ATP4A: variants seen among roughly 807,000 people sequenced by gnomAD.
ATP4A encodes ATPase H+/K+ transporting subunit alpha.
In ATP4A, 73 loss-of-function variants were observed where a neutral mutation model predicts 112.1. That is an observed-to-expected ratio of 0.65 (90% CI 0.54 to 0.79). The LOEUF (loss-of-function observed/expected upper bound fraction) is 0.79. Among genes scored for constraint, ATP4A ranks in the 30% least tolerant of loss-of-function variants. ATP4A has a pLI of 0.00. For synonymous variants in ATP4A, 588 were observed against 588.9 expected (o/e 1.00, Z 0.02); for missense variants, 1,081 against 1,425.9 (o/e 0.76, Z 3.90).
In ATP4A at chr19:35,558,020, G is replaced by A; in HGVS notation, c.1501-173C>T. On this transcript the variant is annotated intron_variant, in intron 10 of 21. Coordinates refer to ENST00000262623, the MANE Select transcript of ATP4A (RefSeq NM_000704.3). This position sits in a 1 kb window ranked among gnomAD's most constrained non-coding sequence, Gnocchi z 5.1. ...GGAGGCCTTGTGTGGAGGGGTCCTT[G>A]GTAGAAGGTAAGCGTTAAGGCGGGG... 1.6e-6 allele frequency: 1 copy of A among 633,142 alleles called. No homozygotes were observed. Among genetic ancestry groups the A allele is most frequent in the Non-Finnish European group, 2.7e-6 (1 of 372,530 alleles). 39.2% of individuals were successfully genotyped at this position (633,142 alleles called of 1,614,324 possible).
Position 35,560,924 on chromosome 19 carries a change from C to T in ATP4A, c.429G>A (p.Leu143=). 1 of 1,613,838 alleles carries T rather than the reference C, an allele frequency of 6.2e-7. No individual in the cohort carries two copies. Among genetic ancestry groups the T allele is most frequent in the Non-Finnish European group, 8.5e-7 (1 of 1,179,882 alleles). Residue 143 remains leucine (L), a synonymous_variant, in exon 5 of 22, where the codon CTG becomes CTA. Coordinates refer to ENST00000262623, the MANE Select transcript of ATP4A (RefSeq NM_000704.3). The surrounding 1 kb of genome is among the most constrained non-coding windows in gnomAD (Gnocchi z 5.1). The part of the protein sequence containing the change: ...GDLTTDDNLY[L]AIALIAVVVV... ...CAACCACAGCAATGAGAGCGATTGC[C>T]AGGTACAGCTGGGGACAGGGAAGGG... is the stretch of plus-strand genomic sequence containing the variant.
In ATP4A at chr19:35,555,824, A is replaced by G. The variant is rs775065728; in HGVS notation, c.1870-12T>C. The stretch of plus-strand genomic sequence containing the variant: ...GTTACCATGATCACCTGTAGGGGGA[A>G]CCAGTGGATCACTGACCCCTTCAGA... On this transcript the variant is annotated splice_polypyrimidine_tract_variant and intron_variant, in intron 12 of 21. Transcript: ENST00000262623. This position sits in a 1 kb window ranked among gnomAD's most constrained non-coding sequence, Gnocchi z 6.6. The G allele has an allele frequency of 4.9e-5, 79 of 1,599,256 alleles. 1 individual carries two copies. The South Asian group carries it at 7.5e-4, about 15-fold the overall frequency.
At position 35,559,728 on chromosome 19, in the gene ATP4A, T is replaced by C. The variant is rs1172102722; in HGVS notation, c.1056+77A>G. ...GACAGATAGACAGGCAGGGAGGTGA[T>C]GGGGGAAATGTGGAGGAAAGAACAG... On this transcript the variant is annotated intron_variant, in intron 7 of 21. Coordinates refer to ENST00000262623, the MANE Select transcript of ATP4A (RefSeq NM_000704.3). This position sits in a 1 kb window ranked among gnomAD's most constrained non-coding sequence, Gnocchi z 4.1. 7.7e-6 allele frequency: 12 copies of C among 1,548,976 alleles called. No homozygotes were observed. Among genetic ancestry groups the C allele is most frequent in the Non-Finnish European group, 9.6e-6 (11 of 1,144,540 alleles).
chr19:35,553,953 G>C, intron 16 of ATP4A, 124 bp from the exon 17 acceptor site: 1 of 1,374,728 alleles, frequency 7.3e-7, no homozygotes, highest in African/African-American at 1.4e-5. Context: ...AGGACCTGCA[G>C]GGACGGCACA....
rs767336004 is a variant in ATP4A, at chr19:35,560,915, A to G, written c.438T>C (p.Ala146=). The change falls in exon 5 of 22, where the codon GCT becomes GCC. Residue 146 remains alanine, a synonymous_variant. Transcript: ENST00000262623. The surrounding 1 kb of genome is among the most constrained non-coding windows in gnomAD (Gnocchi z 5.1). ...TTDDNLYLAI[A]LIAVVVVTGC... ...CGGTGACGACAACCACAGCAATGAG[A>G]GCGATTGCCAGGTACAGCTGGGGAC... 1 of 1,613,484 alleles carries G rather than the reference A, an allele frequency of 6.2e-7. No homozygotes were observed. Among genetic ancestry groups the G allele is most frequent in the Non-Finnish European group, 8.5e-7 (1 of 1,179,846 alleles).
At position 35,558,848 on chromosome 19, in the gene ATP4A, C is replaced by G. The variant is rs2071649773; in HGVS notation, c.1255+145G>C. 10 of 1,283,038 alleles carry G rather than the reference C, an allele frequency of 7.8e-6. No individual in the cohort carries two copies. In the South Asian group the frequency reaches 1.4e-4, roughly 18 times the overall value. The allele number at this position is 1,283,038 out of a possible 1,614,324, so 79.5% of individuals were successfully genotyped here. Reference sequence around the variant, plus strand: ...CCCAGCCCCCGGATGACCCTTCCCTCTAGACCCGGTAGCGAGTCTCCTTTG... The same window carrying G: ...CCCAGCCCCCGGATGACCCTTCCCTGTAGACCCGGTAGCGAGTCTCCTTTG... On this transcript the variant is annotated intron_variant, in intron 8 of 21. Transcript: ENST00000262623. This position sits in a 1 kb window ranked among gnomAD's most constrained non-coding sequence, Gnocchi z 5.1.
Position 35,553,686 on chromosome 19 carries a change from C to G in ATP4A, c.2605+20G>C. On this transcript the variant is annotated intron_variant, in intron 17 of 21. Coordinates refer to ENST00000262623, the MANE Select transcript of ATP4A (RefSeq NM_000704.3). ...CGCAGAGCCCCCCACCTCCAGGCTC[C>G]CCGGCCCACGGGCACCCACCAATCT... 5 of 1,611,970 alleles carry G rather than the reference C, an allele frequency of 3.1e-6. No homozygotes were observed. The highest frequency in any genetic ancestry group is 4.2e-6 in the Non-Finnish European group (5 of 1,179,250).
rs760280019 is a variant in ATP4A at position 35,551,403 on chromosome 19, G to A, written c.2885+44C>T. The A allele has an allele frequency of 6.2e-7, 1 of 1,613,126 alleles. No homozygotes were observed. The highest frequency in any genetic ancestry group is 1.1e-5 in the South Asian group (1 of 91,014). The stretch of plus-strand genomic sequence containing the variant: ...CCACAGTCAGGATCTGATGGGAGTT[G>A]GGACCAGGGGTTGGAGGGCAGGAAG... On this transcript the variant is annotated intron_variant, in intron 19 of 21. Transcript: ENST00000262623. This position sits in a 1 kb window ranked among gnomAD's most constrained non-coding sequence, Gnocchi z 5.2.
chr19:35,558,394 C>G lies in ATP4A; in HGVS notation c.1468G>C (p.Glu490Gln). The change falls in exon 10 of 22, where the codon GAG becomes CAG. Residue 490 changes from glutamate (E) to glutamine (Q), a missense_variant. Glu to Gln is a conservative substitution (Grantham distance 29). Around this residue, in one of 3 missense-constraint regions of ATP4A, gnomAD observed 850 missense variants for 1,068.2 expected, o/e 0.80. Transcript: ENST00000262623. The surrounding 1 kb of genome is among the most constrained non-coding windows in gnomAD (Gnocchi z 5.1). Reference protein sequence around the residue: ...GYRDRFPKVCEIPFNSTNKFQ... With the variant: ...GYRDRFPKVCQIPFNSTNKFQ... ...TTGTTGGTGGAGTTGAAGGGTATCT[C>G]GCAGACTTTTGGGAAGCGGTCCCGG... is the stretch of plus-strand genomic sequence containing the variant. 6.2e-7 allele frequency: 1 copy of G among 1,611,808 alleles called. No homozygotes were observed. The highest frequency in any genetic ancestry group is 1.1e-5 in the South Asian group (1 of 90,586).
Position 35,558,559 on chromosome 19 carries a change from A to T in ATP4A, c.1365+18T>A. 6.3e-7 allele frequency: 1 copy of T among 1,595,274 alleles called. No homozygotes were observed. The highest frequency in any genetic ancestry group is 8.5e-7 in the Non-Finnish European group (1 of 1,171,742). On this transcript the variant is annotated intron_variant, in intron 9 of 21. Transcript: ENST00000262623. This position sits in a 1 kb window ranked among gnomAD's most constrained non-coding sequence, Gnocchi z 5.1. ...ACACCAGCCTCCCGGGATTCCCTGG[A>T]GGCCCCCTGGCTCTCACCTTGGGCA...
In ATP4A at chr19:35,550,791, C is replaced by A. The variant is rs201486149; in HGVS notation, c.3079+43G>T. ...TCAAAGGTGGGTGCAGCTGCTCAAACGTTTCAGTCCCCTGCCCCCAGGCTC... is the reference window on the plus strand; with the variant it reads ...TCAAAGGTGGGTGCAGCTGCTCAAAAGTTTCAGTCCCCTGCCCCCAGGCTC... On this transcript the variant is annotated intron_variant, in intron 21 of 21. Transcript: ENST00000262623. The surrounding 1 kb of genome is among the most constrained non-coding windows in gnomAD (Gnocchi z 4.1). The A allele has an allele frequency of 1.7e-5, 28 of 1,612,122 alleles. No homozygotes were observed. Among genetic ancestry groups the A allele is most frequent in the Non-Finnish European group, 2.4e-5 (28 of 1,178,366 alleles).
intron 4 of ATP4A, among the ~76,000 whole-genome samples, chr19:35,562,094 G>A (rs1040188895): frequency 4.6e-5 from 7 of 152,022 alleles, no homozygotes; most frequent in Non-Finnish European, 8.8e-5. Flanking sequence ...GACCTCAGGT[G>A]ATCTGCCCGC....
Position 35,558,445 on chromosome 19 carries a change from G to A in ATP4A, c.1417C>T (p.Leu473=), listed in dbSNP as rs1025402981. ...SETALLKFSE[L]TLGNAMGYRD... ...TAGCCCATGGCGTTGCCCAGCGTCAGCTCCGAGAACTTGAGCAGCGCCGTC... is the reference window on the plus strand; with the variant it reads ...TAGCCCATGGCGTTGCCCAGCGTCAACTCCGAGAACTTGAGCAGCGCCGTC... Residue 473 remains leucine, a synonymous_variant, in exon 10 of 22, where the codon CTG becomes TTG. Coordinates refer to ENST00000262623, the MANE Select transcript of ATP4A (RefSeq NM_000704.3). The surrounding 1 kb of genome is among the most constrained non-coding windows in gnomAD (Gnocchi z 5.1). The A allele has an allele frequency of 6.9e-6, 11 of 1,605,216 alleles. No homozygotes were observed. Among genetic ancestry groups the A allele is most frequent in the South Asian group, 1.1e-5 (1 of 89,514 alleles).
rs80198561 is a variant in ATP4A at position 35,555,665 on chromosome 19, G to A, written c.2006+11C>T. On this transcript the variant is annotated intron_variant, in intron 13 of 21. Coordinates refer to ENST00000262623, the MANE Select transcript of ATP4A (RefSeq NM_000704.3). The surrounding 1 kb of genome is among the most constrained non-coding windows in gnomAD (Gnocchi z 6.6). Reference sequence around the variant, plus strand: ...GTGGGGAGAACCCCGGGGAGGTCTGGGGGGGCTTACTTGCGATTAACCTGG... The same window carrying A: ...GTGGGGAGAACCCCGGGGAGGTCTGAGGGGGCTTACTTGCGATTAACCTGG... 5 of 1,596,146 alleles carry A rather than the reference G, an allele frequency of 3.1e-6. No individual in the cohort carries two copies. The highest frequency in any genetic ancestry group is 4.3e-6 in the Non-Finnish European group (5 of 1,165,568).
chr19:35,555,424 C>T lies in ATP4A; in HGVS notation c.2157+16G>A. On this transcript the variant is annotated intron_variant, in intron 14 of 21. Transcript: ENST00000262623. The surrounding 1 kb of genome is among the most constrained non-coding windows in gnomAD (Gnocchi z 6.6). ...GCCTGTCTGCCCGCCTGCCCACCCT[C>T]ATCAGCAGGGCTCACCAGCCGCTGG... 6.2e-7 allele frequency: 1 copy of T among 1,610,132 alleles called. No homozygotes were observed. Among genetic ancestry groups the T allele is most frequent in the East Asian group, 2.2e-5 (1 of 44,820 alleles).
In ATP4A at chr19:35,557,546, G is replaced by A; in HGVS notation, c.1693+109C>T. 7.5e-7 allele frequency: 1 copy of A among 1,324,572 alleles called. No homozygotes were observed. The highest frequency in any genetic ancestry group is 1.0e-6 in the Non-Finnish European group (1 of 977,646). 82.1% of individuals were successfully genotyped at this position (1,324,572 alleles called of 1,614,324 possible). A position where few individuals can be genotyped will look rare whatever the true frequency, so the allele number is the denominator to read the frequency against. ...TGAGGCTGTGGACTGCGACAAATCA[G>A]CCAGCAGCCAGGGATGAGGACGGTC... On this transcript the variant is annotated intron_variant, in intron 11 of 21. Transcript: ENST00000262623. This position sits in a 1 kb window ranked among gnomAD's most constrained non-coding sequence, Gnocchi z 4.4.
At position 35,559,663 on chromosome 19, in the gene ATP4A, T is replaced by A. The variant is rs2071655308; in HGVS notation, c.1056+142A>T. The A allele has an allele frequency of 3.0e-6, 4 of 1,345,030 alleles. No homozygotes were observed. The highest frequency in any genetic ancestry group is 4.0e-6 in the Non-Finnish European group (4 of 1,001,518). 83.3% of individuals were successfully genotyped at this position (1,345,030 alleles called of 1,614,324 possible). On this transcript the variant is annotated intron_variant, in intron 7 of 21. Transcript: ENST00000262623. The surrounding 1 kb of genome is among the most constrained non-coding windows in gnomAD (Gnocchi z 4.1). ...CCTCGGGAAGGACTTGCTGAATGAG[T>A]GGATGATGGGAAGGCAGGAGAATGG...
intron 16 of ATP4A, among the ~76,000 whole-genome samples, chr19:35,554,348 A>T (rs2071618337): frequency 6.6e-6 from 1 of 151,928 alleles, no homozygotes; most frequent in Non-Finnish European, 1.5e-5. Flanking sequence ...CTACCTGTCT[A>T]TGCCTTGATG....
At chr19:35,563,581 G>C in intron 1 of ATP4A, 37 bp downstream of exon 1, 1 of 1,613,958 alleles carries the variant, frequency 6.2e-7, no homozygotes, top group South Asian at 1.1e-5. Context: ...TGCAACCCCT[G>C]TCCCCACTGC....
Sources: gnomAD v4.1 joint callset for allele counts (sites outside exome capture counted in the v4.1 genomes callset) on GRCh38, gnomAD v4.1.1 for gene constraint, gnomAD v4.1.1 regional missense constraint, Gnocchi (gnomAD v3.1) non-coding constraint, MANE v1.5 for transcripts, NCBI Gene and HGNC (gene_info 2026-07-23, HGNC 2026-07-21) for gene names.